Variants in ZDHHC14 observed in about 807,000 individuals in gnomAD.
The protein encoded by ZDHHC14 is palmitoyltransferase ZDHHC14.
In ZDHHC14, 16 loss-of-function variants were observed where a neutral mutation model predicts 47.7. That is an observed-to-expected ratio of 0.34 (90% CI 0.23 to 0.51). ZDHHC14 has a LOEUF of 0.51. Among genes scored for constraint, ZDHHC14 ranks in the 20% least tolerant of loss-of-function variants. ZDHHC14 has a pLI of 0.97. For synonymous variants in ZDHHC14, 293 were observed against 278.9 expected, an observed-to-expected ratio of 1.05 and a Z score of -0.50; for missense variants, 515 against 662.5, an observed-to-expected ratio of 0.78 and a Z score of 2.44.
intron 1 of ZDHHC14, among the ~76,000 whole-genome samples, chr6:157,473,976 AT>A (rs1779417889): frequency 6.7e-6 from 1 of 148,392 alleles, no homozygotes; most frequent in African/African-American, 2.5e-5. Flanking sequence ...AACCTATACC[AT>A]ATTTTCTTTT....
chr6:157,671,108 CG>C (rs1778777423), intron 8 of ZDHHC14, among the ~76,000 whole-genome samples: 1 of 152,104 alleles, frequency 6.6e-6, no homozygotes, highest in Non-Finnish European at 1.5e-5. Flanking sequence ...AGGAAGAGGT[CG>C]GAGCACCTAA....
At chr6:157,403,123 T>C (rs985866346) in intron 1 of ZDHHC14, among the ~76,000 whole-genome samples, 1 of 152,234 alleles carries the variant, frequency 6.6e-6, no homozygotes, top group Non-Finnish European at 1.5e-5. Context: ...AGTTCATGGA[T>C]TTGGCTTTAT....
chr6:157,439,590 A>G (rs144924917), intron 1 of ZDHHC14, among the ~76,000 whole-genome samples: 2,294 of 152,346 alleles, frequency 0.015, 31 homozygotes, highest in Non-Finnish European at 0.023. Flanking sequence ...ACATTGTGGA[A>G]GACAGTGTGG....
intron 1 of ZDHHC14, among the ~76,000 whole-genome samples, chr6:157,496,382 T>G (rs1005446061): frequency 6.6e-6 from 1 of 151,734 alleles, no homozygotes; most frequent in African/African-American, 2.4e-5. Context: ...ACCCCCCCCA[T>G]GCTATTTTAG....
At chr6:157,524,969 G>T (rs1453627537) in intron 1 of ZDHHC14, among the ~76,000 whole-genome samples, 1 of 152,176 alleles carries the variant, frequency 6.6e-6, no homozygotes, top group Non-Finnish European at 1.5e-5. Flanking sequence ...CAGTTTCTTG[G>T]ATGTGGCTTA....
intron 1 of ZDHHC14, among the ~76,000 whole-genome samples, chr6:157,393,825 C>T (rs1777468393): frequency 6.6e-6 from 1 of 152,088 alleles, no homozygotes; most frequent in South Asian, 2.1e-4. Context: ...TTCTTTCTTG[C>T]CTTTAAGTAA....
At chr6:157,517,483 T>G (rs1780738628) in intron 1 of ZDHHC14, among the ~76,000 whole-genome samples, 1 of 152,154 alleles carries the variant, frequency 6.6e-6, no homozygotes. Flanking sequence ...CTTAATTTTG[T>G]ATTTTTAGTA....
chr6:157,630,393 C>A (rs1420479916), intron 4 of ZDHHC14: 1 of 152,076 alleles, frequency 6.6e-6, no homozygotes, highest in Non-Finnish European at 1.5e-5. Flanking sequence ...CCAGTTGCCA[C>A]GTGCTTAGTC....
In ZDHHC14 at chr6:157,673,022, C is replaced by T; in HGVS notation, c.1367C>T (p.Pro456Leu). 6.4e-7 allele frequency: 1 copy of T among 1,567,520 alleles called. No homozygotes were observed. The highest frequency in any genetic ancestry group is 8.6e-7 in the Non-Finnish European group (1 of 1,162,716). Residue 456 changes from proline to leucine, a missense_variant, in exon 9 of 9, where the codon CCC becomes CTC. By Grantham distance (98) the Pro-to-Leu change is moderately conservative (BLOSUM62 -3). This residue lies in a region of ZDHHC14 where 221 missense variants were observed against 233.6 expected (regional missense o/e 0.95). Coordinates refer to ENST00000359775, the MANE Select transcript of ZDHHC14 (RefSeq NM_024630.3). This position sits in a 1 kb window ranked among gnomAD's most constrained non-coding sequence, Gnocchi z 5.4. ...SPPRLLAAGS[P>L]LAHSRTMHVL... ...CCCAGGCTACTGGCGGCGGGCAGCC[C>T]CCTGGCGCACAGCCGCACCATGCAC...
At chr6:157,575,570 T>A (rs1783274795) in intron 2 of ZDHHC14, among the ~76,000 whole-genome samples, 1 of 152,176 alleles carries the variant, frequency 6.6e-6, no homozygotes, top group Non-Finnish European at 1.5e-5. Flanking sequence ...CTGCCCCCTG[T>A]GCCCGAAGTG....
chr6:157,643,633 A>G (rs889854779), intron 5 of ZDHHC14, among the ~76,000 whole-genome samples: 2 of 135,972 alleles, frequency 1.5e-5, no homozygotes, highest in African/African-American at 2.8e-5. Flanking sequence ...GGGCAACAAA[A>G]GCAAAACTTC....
At chr6:157,639,071 C>T (rs1370314974) in intron 5 of ZDHHC14, among the ~76,000 whole-genome samples, 1 of 152,260 alleles carries the variant, frequency 6.6e-6, no homozygotes, top group African/African-American at 2.4e-5. Flanking sequence ...GGAGGCAGGG[C>T]TCCCCATCAA....
At chr6:157,599,049 T>C (rs891979975) in intron 3 of ZDHHC14, among the ~76,000 whole-genome samples, 33 of 152,354 alleles carry the variant, frequency 2.2e-4, no homozygotes, top group African/African-American at 7.5e-4. Context: ...TTTTCATAAA[T>C]CTTGGGTGAC....
intron 1 of ZDHHC14, among the ~76,000 whole-genome samples, chr6:157,471,917 G>T (rs1374821845): frequency 4.6e-5 from 7 of 152,182 alleles, no homozygotes; most frequent in Non-Finnish European, 8.8e-5. Context: ...TCAGGACAGT[G>T]CCTGGCACCG....
At chr6:157,466,287 C>G (rs543131112) in intron 1 of ZDHHC14, among the ~76,000 whole-genome samples, 16 of 152,262 alleles carry the variant, frequency 1.1e-4, no homozygotes, top group African/African-American at 3.8e-4. Context: ...AAGTGCCATG[C>G]AGCAAGGACA....
intron 1 of ZDHHC14, among the ~76,000 whole-genome samples, chr6:157,397,659 A>G (rs1390897776): frequency 6.6e-6 from 1 of 152,182 alleles, no homozygotes; most frequent in Admixed American, 6.5e-5. Context: ...CTTTGGCACT[A>G]TAAGGTAACG....
rs984513861 is a variant in ZDHHC14 at position 157,674,932 on chromosome 6, C to T, written c.*1810C>T. The T allele has an allele frequency of 6.6e-6, 1 of 152,258 alleles. No homozygotes were observed. Among genetic ancestry groups the T allele is most frequent in the Non-Finnish European group, 1.5e-5 (1 of 68,056 alleles). The allele number at this position is 152,258 out of a possible 1,614,324, so 9.4% of individuals were successfully genotyped here. The stretch of plus-strand genomic sequence containing the variant: ...TGAACCACCTAACTACTTGTACCCA[C>T]CTGCAATGTGTAATTCATGGGGCAG... On this transcript the variant is annotated 3_prime_UTR_variant, in exon 9 of 9. Transcript: ENST00000359775.
chr6:157,595,241 G>A (rs1181887758), intron 3 of ZDHHC14, among the ~76,000 whole-genome samples: 22 of 123,780 alleles, frequency 1.8e-4, no homozygotes, highest in Non-Finnish European at 3.2e-4. Context: ...CGTCCAGGCT[G>A]GAGTGCAGTG....
intron 8 of ZDHHC14, among the ~76,000 whole-genome samples, chr6:157,656,645 A>G (rs1197299967): frequency 6.7e-6 from 1 of 150,260 alleles, no homozygotes; most frequent in Non-Finnish European, 1.5e-5. Flanking sequence ...CTGGAAAGCT[A>G]CTTATTAAGG....
Sources: allele counts gnomAD v4.1 joint callset (sites outside exome capture counted in the v4.1 genomes callset), GRCh38; gene constraint gnomAD v4.1.1; regional missense constraint gnomAD v4.1.1; non-coding constraint Gnocchi (gnomAD v3.1); transcripts MANE v1.5; gene names NCBI Gene and HGNC (gene_info 2026-07-23, HGNC 2026-07-21).